The following GPD2 variants were observed in gnomAD, a reference collection of about 807,000 sequenced individuals.
GPD2 encodes the protein glycerol-3-phosphate dehydrogenase, mitochondrial.
GPD2 carries 54 observed loss-of-function variants against 82.4 expected under a neutral mutation model. That is an observed-to-expected ratio of 0.66 (90% confidence interval 0.53 to 0.82). The LOEUF is 0.82. Among genes scored for constraint, GPD2 ranks in the 40% least tolerant of loss-of-function variants. The pLI is 0.00. For missense variants in GPD2, 748 were observed against 896.2 expected (o/e 0.83, Z 2.11); for synonymous variants, 288 against 306.1 (o/e 0.94, Z 0.62).
chr2:156,458,912 T>C (rs551874221), intron 1 of GPD2, among the ~76,000 whole-genome samples: 107 of 152,262 alleles, frequency 7.0e-4, no homozygotes, highest in African/African-American at 2.4e-3. Flanking sequence ...ATACTACCAT[T>C]CAAAGATGAG....
chr2:156,520,792 C>G (rs188015220), intron 6 of GPD2, among the ~76,000 whole-genome samples: 1 of 152,030 alleles, frequency 6.6e-6, no homozygotes, highest in Admixed American at 6.6e-5. Flanking sequence ...CACCATGTTG[C>G]CCAGGGTGGT....
chr2:156,434,235 C>G (rs938879851), upstream of GPD2, among the ~76,000 whole-genome samples: 10 of 152,108 alleles, frequency 6.6e-5, no homozygotes, highest in African/African-American at 2.4e-4. Flanking sequence ...TCCTGAGTAG[C>G]TGGGATTACA....
intron 1 of GPD2, among the ~76,000 whole-genome samples, chr2:156,452,819 A>G (rs1329879138): frequency 1.3e-5 from 2 of 152,202 alleles, no homozygotes; most frequent in Non-Finnish European, 1.5e-5. Flanking sequence ...TACAAATAGA[A>G]TGATTGGTCT....
At chr2:156,401,154 G>C in the GPD2 span, among the ~76,000 whole-genome samples, 1 of 151,968 alleles carries the variant, frequency 6.6e-6, no homozygotes, top group Admixed American at 6.6e-5. Context: ...ACTTGCATTG[G>C]CCGGGAATCG....
the GPD2 span, among the ~76,000 whole-genome samples, chr2:156,417,300 C>T: frequency 6.6e-6 from 1 of 152,040 alleles, no homozygotes; most frequent in East Asian, 1.9e-4. Context: ...CTCATTCTTT[C>T]CAAGGTGAGT....
rs768527779 is a variant in GPD2, at chr2:156,496,183, G to A, written c.242G>A (p.Gly81Glu). 3 of 1,613,026 alleles carry A rather than the reference G, an allele frequency of 1.9e-6. No individual in the cohort carries two copies. The highest frequency in any genetic ancestry group is 1.1e-5 in the South Asian group (1 of 91,056). Residue 81 changes from glycine to glutamate, a missense_variant, in exon 3 of 17, where the codon GGA becomes GAA. Physicochemically the swap from Gly to Glu is moderately conservative, Grantham distance 98 (BLOSUM62 -2). This residue lies in a region of GPD2 where 692 missense variants were observed against 809.7 expected (regional missense o/e 0.85). Coordinates refer to ENST00000438166, the MANE Select transcript of GPD2 (RefSeq NM_000408.5). The stretch of plus-strand genomic sequence containing the variant: ...CTTGTTATTGGAGGAGGAGCAACAG[G>A]AAGTGGCTGTGCGCTAGATGCTGTC... ...DILVIGGGAT[G>E]SGCALDAVTR...
chr2:156,425,089 A>ATTTTTTTTTTTTTTT, the GPD2 span, among the ~76,000 whole-genome samples: 1 of 148,730 alleles, frequency 6.7e-6, no homozygotes, highest in African/African-American at 2.5e-5. Flanking sequence ...TATTCATTTT[A>ATTTTTTTTTTTTTTT]TTTTTTTTTT....
intron 13 of GPD2, among the ~76,000 whole-genome samples, chr2:156,576,330 C>G (rs920826451): frequency 6.6e-6 from 1 of 152,028 alleles, no homozygotes; most frequent in Non-Finnish European, 1.5e-5. Flanking sequence ...TATGACAAAC[C>G]GGTTGTGGTC....
At chr2:156,472,042 A>G (rs1265448849) in intron 1 of GPD2, among the ~76,000 whole-genome samples, 2 of 152,244 alleles carry the variant, frequency 1.3e-5, no homozygotes, top group African/African-American at 4.8e-5. Context: ...ATTTGAAGCT[A>G]TGATAAATAA....
At position 156,512,882 on chromosome 2, in the gene GPD2, C is replaced by G. The variant is rs60018458; in HGVS notation, c.498-451C>G. Among the ~76,000 whole-genome samples the G allele has an allele frequency of 3.3e-3, 496 of 152,262 alleles. 4 individuals carry two copies. The highest frequency in any genetic ancestry group is 0.011 in the African/African-American group (460 of 41,560). On this transcript the variant is annotated intron_variant, in intron 5 of 16. Transcript: ENST00000438166. Reference sequence around the variant, plus strand: ...CAAGTAGATTATGTAACTCTTTTAGCCACATTAGTGTTGTAGGGGGCTGGA... The same window carrying G: ...CAAGTAGATTATGTAACTCTTTTAGGCACATTAGTGTTGTAGGGGGCTGGA...
intron 2 of GPD2, 99 bp from the exon 3 acceptor site, chr2:156,495,945 A>G: frequency 1.1e-6 from 1 of 873,830 alleles, no homozygotes; most frequent in Non-Finnish European, 1.9e-6. Context: ...TAGCTCTTAT[A>G]TTCCTTATTT....
chr2:156,567,382 T>C (rs554492415), intron 9 of GPD2, among the ~76,000 whole-genome samples: 1 of 152,214 alleles, frequency 6.6e-6, no homozygotes, highest in African/African-American at 2.4e-5. Flanking sequence ...GTATACGATA[T>C]AAGATAAGGG....
rs866932684 is a variant in GPD2 at position 156,478,478 on chromosome 2, C to T, written c.102+2271C>T. Among the ~76,000 whole-genome samples, 57 of 151,834 alleles carry T rather than the reference C, an allele frequency of 3.8e-4. No homozygotes were observed. The Middle Eastern group carries it at 0.01, about 27-fold the overall frequency. On this transcript the variant is annotated intron_variant, in intron 2 of 16. Coordinates refer to ENST00000438166, the MANE Select transcript of GPD2 (RefSeq NM_000408.5). ...GCATGTATTTGGGGGGTAGCAGGTGCGATGTAGCCATAGGGACTGGCAAAA... is the reference window on the plus strand; with the variant it reads ...GCATGTATTTGGGGGGTAGCAGGTGTGATGTAGCCATAGGGACTGGCAAAA...
At chr2:156,469,066 G>A (rs1683238844) in intron 1 of GPD2, among the ~76,000 whole-genome samples, 3 of 152,208 alleles carry the variant, frequency 2.0e-5, no homozygotes, top group Admixed American at 2.0e-4. Context: ...ACAAATGAGT[G>A]AGAATATGCA....
intron 2 of GPD2, among the ~76,000 whole-genome samples, chr2:156,480,474 A>G (rs1180260348): frequency 6.6e-6 from 1 of 151,968 alleles, no homozygotes; most frequent in African/African-American, 2.4e-5. Flanking sequence ...CATACCTTCT[A>G]GGTCCTAACT....
At position 156,436,434 on chromosome 2, in the gene GPD2, G is replaced by T. The variant is rs1039901954; in HGVS notation, c.-88G>T. ...CACCCGGGCCGAGGCTCTGATTCTGGGGGGAGGCCGACTCCACCCTGGCTG... is the reference window on the plus strand; with the variant it reads ...CACCCGGGCCGAGGCTCTGATTCTGTGGGGAGGCCGACTCCACCCTGGCTG... On this transcript the variant is annotated 5_prime_UTR_variant, in exon 1 of 17. Coordinates refer to ENST00000438166, the MANE Select transcript of GPD2 (RefSeq NM_000408.5). 6.6e-6 allele frequency: 1 copy of T among 152,448 alleles called. No homozygotes were observed. Among genetic ancestry groups the T allele is most frequent in the Non-Finnish European group, 1.5e-5 (1 of 68,278 alleles). The allele number at this position is 152,448 out of a possible 1,614,324, so 9.4% of individuals were successfully genotyped here.
At chr2:156,497,011 A>T (rs997815991) in intron 3 of GPD2, among the ~76,000 whole-genome samples, 1 of 152,236 alleles carries the variant, frequency 6.6e-6, no homozygotes, top group Non-Finnish European at 1.5e-5. Flanking sequence ...ACATGTAATG[A>T]AAGAAATTTT....
chr2:156,478,691 T>C (rs1683610986), intron 2 of GPD2, among the ~76,000 whole-genome samples: 1 of 152,166 alleles, frequency 6.6e-6, no homozygotes, highest in African/African-American at 2.4e-5. Context: ...AAATCTGCCC[T>C]TTGAGATACA....
intron 9 of GPD2, among the ~76,000 whole-genome samples, chr2:156,563,688 G>A (rs1687257327): frequency 6.6e-6 from 1 of 152,160 alleles, no homozygotes; most frequent in Non-Finnish European, 1.5e-5. Flanking sequence ...CATGAGCAAA[G>A]GAAGTGCAGT....
Sources: gnomAD v4.1 joint callset for allele counts (sites outside exome capture counted in the v4.1 genomes callset) on GRCh38, gnomAD v4.1.1 for gene constraint, gnomAD v4.1.1 regional missense constraint, MANE v1.5 for transcripts, NCBI Gene and HGNC (gene_info 2026-07-23, HGNC 2026-07-21) for gene names.